P4HA1: variants seen among roughly 807,000 people sequenced by gnomAD.
P4HA1 encodes prolyl 4-hydroxylase subunit alpha-1.
P4HA1 carries 24 observed loss-of-function variants against 72.8 expected under a neutral mutation model. The ratio of observed to expected loss-of-function variants is 0.33; its 90% confidence interval spans 0.24 to 0.46. The LOEUF (loss-of-function observed/expected upper bound fraction) is 0.46, where lower values mean the gene tolerates loss of function less well. Among genes scored for constraint, P4HA1 ranks in the 20% least tolerant of loss-of-function variants. P4HA1 has a pLI of 1.00. For synonymous variants in P4HA1, 201 were observed against 218.8 expected, an observed-to-expected ratio of 0.92 and a Z score of 0.72; for missense variants, 446 against 640.6, an observed-to-expected ratio of 0.70 and a Z score of 3.28.
intron 3 of P4HA1, among the ~76,000 whole-genome samples, chr10:73,073,401 A>T (rs1841613032): frequency 6.6e-6 from 1 of 151,730 alleles, no homozygotes; most frequent in South Asian, 2.1e-4. Context: ...TTGTGTTTTT[A>T]GTAGAGACAG....
intron 11 of P4HA1, among the ~76,000 whole-genome samples, chr10:73,015,884 T>TA (rs1839998893): frequency 6.6e-6 from 1 of 152,122 alleles, no homozygotes; most frequent in African/African-American, 2.4e-5. Context: ...TTGGTTTTTT[T>TA]TTTTTAACTG....
intron 1 of P4HA1, among the ~76,000 whole-genome samples, chr10:73,087,268 A>ATT (rs370759559): frequency 3.7e-4 from 48 of 130,746 alleles, no homozygotes; most frequent in Non-Finnish European, 6.6e-4. Context: ...TAATGCCTTT[A>ATT]TTTTTTTTTT....
chr10:73,087,263 C>T (rs569001508), intron 1 of P4HA1, among the ~76,000 whole-genome samples: 37 of 149,774 alleles, frequency 2.5e-4, no homozygotes, highest in Middle Eastern at 3.5e-3. Context: ...ATGTTTAATG[C>T]CTTTATTTTT....
At chr10:73,033,400 C>T (rs1840487448) in intron 9 of P4HA1, among the ~76,000 whole-genome samples, 1 of 152,124 alleles carries the variant, frequency 6.6e-6, no homozygotes, top group Non-Finnish European at 1.5e-5. Flanking sequence ...AATCATCGTC[C>T]TTCAGCCTTA....
At chr10:73,045,894 A>G (rs762246837) in intron 8 of P4HA1, among the ~76,000 whole-genome samples, 1 of 151,176 alleles carries the variant, frequency 6.6e-6, no homozygotes, top group South Asian at 2.1e-4. Context: ...AAAACCACCA[A>G]TTTGGAGAAG....
At chr10:73,074,074 T>C in intron 2 of P4HA1, 1 of 416,988 alleles carries the variant, frequency 2.4e-6, no homozygotes, top group Non-Finnish European at 4.3e-6. Context: ...GCTAGCAAAT[T>C]GTCTTTATAT....
chr10:73,093,873 A>AAAAACATAT (rs1564640954), intron 1 of P4HA1, among the ~76,000 whole-genome samples: 1 of 29,308 alleles, frequency 3.4e-5, no homozygotes, highest in East Asian at 6.8e-4. Flanking sequence ...AAAAAAAAAA[A>AAAAACATAT]ATATATATAT....
intron 1 of P4HA1, among the ~76,000 whole-genome samples, chr10:73,078,408 A>G (rs948745945): frequency 4.6e-5 from 7 of 152,148 alleles, no homozygotes; most frequent in Non-Finnish European, 8.8e-5. Context: ...TTTAAAAATT[A>G]TCATACAACC....
At chr10:73,027,740 GATGC>G (rs1840316556) in intron 10 of P4HA1, among the ~76,000 whole-genome samples, 1 of 144,436 alleles carries the variant, frequency 6.9e-6, no homozygotes, top group Non-Finnish European at 1.5e-5. Context: ...GGGAAGGATG[GATGC>G]AGGGAGGGAG....
rs1841065942 is a variant in P4HA1, at chr10:73,053,507, T to C, written c.547A>G (p.Thr183Ala). ...VAYTEADYYH[T>A]ELWMEQALRQ... is the part of the protein sequence containing the mutation. Reference sequence around the variant, plus strand: ...AGGGCTTGTTCCATCCACAGTTCCGTATGGTAATAATCTGCTTCTGTATAG... The same window carrying C: ...AGGGCTTGTTCCATCCACAGTTCCGCATGGTAATAATCTGCTTCTGTATAG... Residue 183 changes from threonine to alanine, a missense_variant, in exon 6 of 15, where the codon ACG (threonine) becomes GCG (alanine). Coordinates refer to ENST00000394890, the MANE Select transcript of P4HA1 (RefSeq NM_001017962.3). 6.2e-7 allele frequency: 1 copy of C among 1,613,960 alleles called. No homozygotes were observed.
rs368180728 is a variant in P4HA1 at position 73,064,808 on chromosome 10, C to G, written c.463+4038G>C. The stretch of plus-strand genomic sequence containing the variant: ...GTGAGCCGAGCTGCGCCACTGCACT[C>G]CAGCCTGGGTAACAGAGTGAGACTC... On this transcript the variant is annotated intron_variant, in intron 5 of 14. Coordinates refer to ENST00000394890, the MANE Select transcript of P4HA1 (RefSeq NM_001017962.3). 1.1e-4 allele frequency among the ~76,000 whole-genome samples: 16 copies of G among 152,204 alleles called. No individual in the cohort carries two copies. In the South Asian group the frequency reaches 2.3e-3, roughly 22 times the overall value.
At chr10:73,017,633 A>G (rs990994806) in intron 10 of P4HA1, among the ~76,000 whole-genome samples, 1 of 152,184 alleles carries the variant, frequency 6.6e-6, no homozygotes, top group Admixed American at 6.5e-5. Context: ...CTTTTCTTAC[A>G]TATTTTTTCC....
chr10:73,014,741 C>G (rs1243448753), intron 11 of P4HA1, among the ~76,000 whole-genome samples: 1 of 152,104 alleles, frequency 6.6e-6, no homozygotes, highest in Non-Finnish European at 1.5e-5. Flanking sequence ...ACAGCCATCT[C>G]TTAGCTATAC....
intron 9 of P4HA1, among the ~76,000 whole-genome samples, chr10:73,042,381 A>G (rs1840756139): frequency 6.6e-6 from 1 of 152,220 alleles, no homozygotes; most frequent in Admixed American, 6.5e-5. Flanking sequence ...AGACAGCAGT[A>G]ATCTTCAAAA....
chr10:73,019,326 A>G (rs1021912925), intron 10 of P4HA1, among the ~76,000 whole-genome samples: 3 of 152,202 alleles, frequency 2.0e-5, no homozygotes, highest in Non-Finnish European at 2.9e-5. Flanking sequence ...CAATTGTTCC[A>G]CTAGATGCAC....
chr10:73,028,717 G>A (rs1292129753), intron 10 of P4HA1, among the ~76,000 whole-genome samples: 8 of 151,392 alleles, frequency 5.3e-5, no homozygotes, highest in Non-Finnish European at 8.8e-5. Flanking sequence ...TTACAGGCAT[G>A]AGCCACCAGA....
At chr10:73,093,115 A>ATC (rs1842072233) in intron 1 of P4HA1, among the ~76,000 whole-genome samples, 1 of 145,896 alleles carries the variant, frequency 6.9e-6, no homozygotes, top group Non-Finnish European at 1.5e-5. Context: ...GCAAGATCCT[A>ATC]TCTCTTAAAA....
At chr10:73,095,504 C>G (rs948569183) in intron 1 of P4HA1, among the ~76,000 whole-genome samples, 3 of 143,348 alleles carry the variant, frequency 2.1e-5, no homozygotes, top group African/African-American at 7.8e-5. Flanking sequence ...AGGGGAAATA[C>G]GTTTCTAACC....
At position 73,016,995 on chromosome 10, in the gene P4HA1, T is replaced by G. The variant is rs1840019594; in HGVS notation, c.1249-96A>C. 3.8e-6 allele frequency: 3 copies of G among 795,530 alleles called. No homozygotes were observed. The African/African-American group carries it at 5.2e-5, about 14-fold the overall frequency. The allele number at this position is 795,530 out of a possible 1,614,324, so 49.3% of individuals were successfully genotyped here. ...TCATTTTTTGGACTTTTATAGATCA[T>G]GGTCAGGTATTTACAGAGAAATGAA... On this transcript the variant is annotated intron_variant, in intron 10 of 14. Coordinates refer to ENST00000394890, the MANE Select transcript of P4HA1 (RefSeq NM_001017962.3).
Sources: gnomAD v4.1 joint callset for allele counts (sites outside exome capture counted in the v4.1 genomes callset) on GRCh38, gnomAD v4.1.1 for gene constraint, MANE v1.5 for transcripts, NCBI Gene and HGNC (gene_info 2026-07-23, HGNC 2026-07-21) for gene names.